Variants in TBX2 observed in about 807,000 individuals in gnomAD.
The protein encoded by TBX2 is T-box transcription factor TBX2.
In TBX2, 19 loss-of-function variants were observed where a neutral mutation model predicts 48.4. That is an observed-to-expected ratio of 0.39 (90% confidence interval 0.27 to 0.58). The LOEUF (loss-of-function observed/expected upper bound fraction) is 0.58. Ranked by LOEUF, TBX2 falls within the 20% of genes least tolerant of loss-of-function variation. The probability of loss-of-function intolerance (pLI) is 0.54; values close to 1 mark genes in which losing one functional copy is unlikely to be tolerated. For missense variants in TBX2, 994 were observed against 1,006.5 expected (o/e 0.99, Z 0.17); for synonymous variants, 522 against 459.7 (o/e 1.14, Z -1.73).
In TBX2 at chr17:61,403,247, G is replaced by A; in HGVS notation, c.810+40G>A. The A allele has an allele frequency of 1.2e-6, 2 of 1,601,432 alleles. No homozygotes were observed. The highest frequency in any genetic ancestry group is 1.7e-6 in the Non-Finnish European group (2 of 1,178,110). ...CGGTGGGCTAAGCCCCTGCACTGAC[G>A]CCCCTCAACACGTGCAGGCCCAACC... On this transcript the variant is annotated intron_variant, in intron 3 of 6. Transcript: ENST00000240328. The surrounding 1 kb of genome is among the most constrained non-coding windows in gnomAD (Gnocchi z 5.8).
At position 61,400,020 on chromosome 17, in the gene TBX2, C is replaced by G. The variant is rs1438717547; in HGVS notation, c.-157C>G. On this transcript the variant is annotated 5_prime_UTR_variant, in exon 1 of 7. Coordinates refer to ENST00000240328, the MANE Select transcript of TBX2 (RefSeq NM_005994.4). The surrounding 1 kb of genome is among the most constrained non-coding windows in gnomAD (Gnocchi z 9.2). ...GCCCCCGCGCACAGAGCCGGGTGCCCCTTGCGGTGCGCCGGACGGGAAGCC... is the reference window on the plus strand; with the variant it reads ...GCCCCCGCGCACAGAGCCGGGTGCCGCTTGCGGTGCGCCGGACGGGAAGCC... The G allele has an allele frequency of 9.2e-6, 2 of 217,246 alleles. No homozygotes were observed. Among genetic ancestry groups the G allele is most frequent in the African/African-American group, 4.7e-5 (2 of 42,468 alleles). The allele number at this position is 217,246 out of a possible 1,614,324, so 13.5% of individuals were successfully genotyped here.
At chr17:61,404,567 T>C in intron 4 of TBX2, 39 bp from the exon 5 acceptor site, 1 of 1,594,176 alleles carries the variant, frequency 6.3e-7, no homozygotes. Context: ...GATGGAGGGA[T>C]GGGCTCCCCG....
chr17:61,401,605 G>A (rs918000918), intron 1 of TBX2, 79 bp from the exon 2 acceptor site: 31 of 1,521,128 alleles, frequency 2.0e-5, no homozygotes, highest in Non-Finnish European at 2.6e-5. Flanking sequence ...AACGAGGAGG[G>A]ATAAATAAAG....
chr17:61,405,156 C>T (rs1043744188), intron 5 of TBX2, 46 bp from the exon 6 acceptor site: 26 of 1,466,048 alleles, frequency 1.8e-5, no homozygotes, highest in Admixed American at 1.7e-4. Flanking sequence ...TCCTGCTCGT[C>T]GGCCTCCGCC....
chr17:61,402,067 A>T, intron 2 of TBX2, 116 bp downstream of exon 2: 1 of 1,432,812 alleles, frequency 7.0e-7, no homozygotes, highest in South Asian at 1.4e-5. Context: ...AAACCCCCAG[A>T]GTGCCCCTGC....
At chr17:61,402,783 A>G (rs2060269175) in intron 2 of TBX2, among the ~76,000 whole-genome samples, 1 of 149,360 alleles carries the variant, frequency 6.7e-6, no homozygotes, top group African/African-American at 2.5e-5. Context: ...GCTCTGTCTC[A>G]TTTCTGTTTC....
At chr17:61,402,220 G>A (rs944145657) in intron 2 of TBX2, among the ~76,000 whole-genome samples, 3 of 152,212 alleles carry the variant, frequency 2.0e-5, no homozygotes, top group Admixed American at 6.5e-5. Flanking sequence ...CCCTTGTACC[G>A]TCAATAGGGA....
rs1487669720 is a variant in TBX2, at chr17:61,405,393, G to C, written c.1243G>C (p.Gly415Arg). 25 of 1,530,246 alleles carry C rather than the reference G, an allele frequency of 1.6e-5. No homozygotes were observed. The highest frequency in any genetic ancestry group is 2.1e-5 in the Non-Finnish European group (24 of 1,142,542). 94.8% of individuals were successfully genotyped at this position (1,530,246 alleles called of 1,614,324 possible). The change falls in exon 6 of 7, where the codon GGC becomes CGC. Residue 415 changes from glycine to arginine, a missense_variant. Gly to Arg is a moderately radical substitution (Grantham distance 125). Transcript: ENST00000240328. Reference sequence around the variant, plus strand: ...GGAGCCGGCCGAGAGCGGCGGGGACGGCCCGTTCGGCCTGAGGAGCCTGGA... The same window carrying C: ...GGAGCCGGCCGAGAGCGGCGGGGACCGCCCGTTCGGCCTGAGGAGCCTGGA... ...GKEPAESGGDGPFGLRSLEKE... is the reference protein window; with the variant it reads ...GKEPAESGGDRPFGLRSLEKE...
intron 5 of TBX2, 125 bp downstream of exon 5, chr17:61,404,894 G>A (rs1425511077): frequency 1.4e-6 from 2 of 1,414,744 alleles, no homozygotes; most frequent in East Asian, 2.5e-5. Context: ...GCGAGTGTCT[G>A]GGATGGGGTT....
rs1345167643 is a variant in TBX2 at position 61,407,593 on chromosome 17, CA to C, written c.1687-458del. 1.9e-5 allele frequency: 3 copies of C among 156,208 alleles called. No individual in the cohort carries two copies. The Admixed American group carries it at 2.0e-4, about 10-fold the overall frequency. 9.7% of individuals were successfully genotyped at this position (156,208 alleles called of 1,614,324 possible). A position where few individuals can be genotyped will look rare whatever the true frequency, so the allele number is the denominator to read the frequency against. ...CATGAGCAGGCAGAAGGAGACTTTG[CA>C]AAGTGCCTTCCCCAGCATGTGTGCC... On this transcript the variant is annotated intron_variant, in intron 6 of 6. Coordinates refer to ENST00000240328, the MANE Select transcript of TBX2 (RefSeq NM_005994.4).
rs770639865 is a variant in TBX2, at chr17:61,404,403, C to A, written c.811-18C>A. On this transcript the variant is annotated intron_variant, in intron 3 of 6. Transcript: ENST00000240328. ...AGAGCCACGGCCTGACTTAGCGCCG[C>A]CCCCTTGGTCCCCGCAGATCACACA... 1 of 1,593,388 alleles carries A rather than the reference C, an allele frequency of 6.3e-7. No individual in the cohort carries two copies. The highest frequency in any genetic ancestry group is 8.5e-7 in the Non-Finnish European group (1 of 1,169,674).
intron 2 of TBX2, 94 bp downstream of exon 2, chr17:61,402,045 G>GA: frequency 6.7e-7 from 1 of 1,490,286 alleles, no homozygotes; most frequent in Non-Finnish European, 8.9e-7. Context: ...CTCCCAGGGG[G>GA]AAGCGCTGGG....
At position 61,401,780 on chromosome 17, in the gene TBX2, C is replaced by T; in HGVS notation, c.492C>T (p.Arg164=). 6.2e-7 allele frequency: 1 copy of T among 1,613,172 alleles called. No individual in the cohort carries two copies. Among genetic ancestry groups the T allele is most frequent in the Non-Finnish European group, 8.5e-7 (1 of 1,180,022 alleles). Residue 164 remains arginine, a synonymous_variant, in exon 2 of 7, where the codon CGC becomes CGT. Coordinates refer to ENST00000240328, the MANE Select transcript of TBX2 (RefSeq NM_005994.4). ...ACATTGTAGCCGCTGACGATTGCCG[C>T]TATAAGTTCCACAACTCGCGCTGGA... ...LMDIVAADDC[R]YKFHNSRWMV... is the part of the protein sequence containing the mutation.
intron 6 of TBX2, chr17:61,407,398 C>G (rs917847660): frequency 1.3e-5 from 2 of 152,296 alleles, no homozygotes; most frequent in Admixed American, 1.3e-4. Flanking sequence ...CTCATGAACT[C>G]AGGAAGGTGC....
rs1223778452 is a variant in TBX2 at position 61,406,750 on chromosome 17, G to A, written c.1686+914G>A. The A allele has an allele frequency of 6.8e-6, 1 of 146,552 alleles. No homozygotes were observed. Among genetic ancestry groups the A allele is most frequent in the African/African-American group, 2.7e-5 (1 of 37,734 alleles). 9.1% of individuals were successfully genotyped at this position (146,552 alleles called of 1,614,324 possible). Reference sequence around the variant, plus strand: ...GTTGGGTTGGTGGGTGGGGGGGTGGGGGGTTGGGAGGCAGGCGATTCTGAA... The same window carrying A: ...GTTGGGTTGGTGGGTGGGGGGGTGGAGGGTTGGGAGGCAGGCGATTCTGAA... On this transcript the variant is annotated intron_variant, in intron 6 of 6. Coordinates refer to ENST00000240328, the MANE Select transcript of TBX2 (RefSeq NM_005994.4). This position sits in a 1 kb window ranked among gnomAD's most constrained non-coding sequence, Gnocchi z 5.7.
Position 61,403,183 on chromosome 17 carries a change from C to A in TBX2, c.786C>A (p.Ala262=), listed in dbSNP as rs989560969. The change falls in exon 3 of 7, where the codon GCC becomes GCA. Residue 262 remains alanine (A), a synonymous_variant. Transcript: ENST00000240328. This position sits in a 1 kb window ranked among gnomAD's most constrained non-coding sequence, Gnocchi z 5.8. The part of the protein sequence containing the change: ...TYVFPETDFI[A]VTAYQNDKIT... ...TGTTCCCGGAGACCGACTTCATCGC[C>A]GTCACTGCCTACCAGAATGACAAGG... 1 of 1,613,342 alleles carries A rather than the reference C, an allele frequency of 6.2e-7. No individual in the cohort carries two copies. Among genetic ancestry groups the A allele is most frequent in the Non-Finnish European group, 8.5e-7 (1 of 1,180,040 alleles).
Position 61,405,792 on chromosome 17 carries a change from G to C in TBX2, c.1642G>C (p.Ala548Pro). The C allele has an allele frequency of 7.5e-7, 1 of 1,325,288 alleles. No homozygotes were observed. The highest frequency in any genetic ancestry group is 9.6e-7 in the Non-Finnish European group (1 of 1,044,442). The allele number at this position is 1,325,288 out of a possible 1,614,324, so 82.1% of individuals were successfully genotyped here. Residue 548 changes from alanine (A) to proline (P), a missense_variant, in exon 6 of 7, where the codon GCG becomes CCG. By Grantham distance (27) the Ala-to-Pro change is conservative. Coordinates refer to ENST00000240328, the MANE Select transcript of TBX2 (RefSeq NM_005994.4). ...CGCGGCCAGCGCAGCAAGCACCGCC[G>C]CGCCCTTCCCGTTCCACCTCTCCCA... ...GPAASAASTA[A>P]PFPFHLSQHM...
chr17:61,400,146 C>G lies in TBX2; in HGVS notation c.-31C>G. On this transcript the variant is annotated 5_prime_UTR_variant, in exon 1 of 7. Coordinates refer to ENST00000240328, the MANE Select transcript of TBX2 (RefSeq NM_005994.4). This position sits in a 1 kb window ranked among gnomAD's most constrained non-coding sequence, Gnocchi z 9.2. ...AGCCGCGCGCCCCCGGCCCCGGCCC[C>G]GGCCCCCGGGCGCCTGGGCCGGATG... is the stretch of plus-strand genomic sequence containing the variant. 1.0e-6 allele frequency: 1 copy of G among 992,668 alleles called. No individual in the cohort carries two copies. The highest frequency in any genetic ancestry group is 1.2e-6 in the Non-Finnish European group (1 of 834,262). The allele number at this position is 992,668 out of a possible 1,614,324, so 61.5% of individuals were successfully genotyped here.
Position 61,405,302 on chromosome 17 carries a change from C to G in TBX2, c.1152C>G (p.Ser384Arg). The change falls in exon 6 of 7, where the codon AGC becomes AGG. Residue 384 changes from serine to arginine, a missense_variant. By Grantham distance (110) the Ser-to-Arg change is moderately radical. Around this residue, in one of 5 missense-constraint regions of TBX2, gnomAD observed 639 missense variants for 613.2 expected, o/e 1.04. Transcript: ENST00000240328. ...TAGGCCGCAGCCCGGCTCCAGACAGCGCCAGCCCCACTCGCTTGACCGAAC... is the reference window on the plus strand; with the variant it reads ...TAGGCCGCAGCCCGGCTCCAGACAGGGCCAGCCCCACTCGCTTGACCGAAC... ...APLGRSPAPD[S>R]ASPTRLTEPE... 3 of 1,557,240 alleles carry G rather than the reference C, an allele frequency of 1.9e-6. No homozygotes were observed. The highest frequency in any genetic ancestry group is 1.7e-6 in the Non-Finnish European group (2 of 1,158,988).
Sources: gnomAD v4.1 joint callset for allele counts (sites outside exome capture counted in the v4.1 genomes callset) on GRCh38, gnomAD v4.1.1 for gene constraint, gnomAD v4.1.1 regional missense constraint, Gnocchi (gnomAD v3.1) non-coding constraint, MANE v1.5 for transcripts, NCBI Gene and HGNC (gene_info 2026-07-23, HGNC 2026-07-21) for gene names.